The following GK5 variants were observed in gnomAD, a reference collection of about 807,000 sequenced individuals.
GK5 encodes the protein glycerol kinase 5.
GK5 carries 39 observed loss-of-function variants against 77.3 expected under a neutral mutation model. That is an observed-to-expected ratio of 0.50 (90% CI 0.39 to 0.66). The LOEUF is 0.66. GK5 is among the 30% of genes least tolerant of loss of function. GK5 has a pLI of 0.00. For synonymous variants in GK5, 211 were observed against 208.0 expected (o/e 1.01, Z -0.13); for missense variants, 487 against 633.8 (o/e 0.77, Z 2.49).
chr3:142,197,284 T>C (rs1321320457), intron 5 of GK5, among the ~76,000 whole-genome samples: 1 of 152,244 alleles, frequency 6.6e-6, no homozygotes, highest in African/African-American at 2.4e-5. Context: ...CATTTTTGCT[T>C]CATGTATTGT....
chr3:142,173,102 G>A, intron 12 of GK5: 4 of 380,406 alleles, frequency 1.1e-5, no homozygotes, highest in Non-Finnish European at 2.0e-5. Flanking sequence ...TTGGGAGGCT[G>A]AGGTGGAAGG....
rs1036499917 is a variant in GK5, at chr3:142,225,556, C to T, written c.-101G>A. The T allele has an allele frequency of 2.8e-6, 4 of 1,425,016 alleles. No individual in the cohort carries two copies. Among genetic ancestry groups the T allele is most frequent in the African/African-American group, 1.5e-5 (1 of 67,510 alleles). The allele number at this position is 1,425,016 out of a possible 1,614,324, so 88.3% of individuals were successfully genotyped here. ...CGGGCGGCCCAACCCGGGCCCCAAC[C>T]CGGCTCAGCCGGAGAGCCTAGAGAG... On this transcript the variant is annotated 5_prime_UTR_variant, in exon 1 of 16. Transcript: ENST00000392993.
chr3:142,180,356 G>A (rs567014543), intron 11 of GK5, among the ~76,000 whole-genome samples: 1 of 151,390 alleles, frequency 6.6e-6, no homozygotes, highest in Admixed American at 6.6e-5. Flanking sequence ...AGGCTGGAGT[G>A]CAATGGCGTG....
intron 9 of GK5, 26 bp downstream of exon 9, chr3:142,185,903 G>C: frequency 6.3e-7 from 1 of 1,587,102 alleles, no homozygotes; most frequent in African/African-American, 1.4e-5. Flanking sequence ...ACTATACAAA[G>C]GGAATCCCTC....
At chr3:142,168,451 G>C (rs1340234274) in intron 15 of GK5, among the ~76,000 whole-genome samples, 1 of 152,158 alleles carries the variant, frequency 6.6e-6, no homozygotes, top group Non-Finnish European at 1.5e-5. Flanking sequence ...ATTTTTAGTA[G>C]AATCAAGTTT....
chr3:142,179,408 G>A (rs1322486035), intron 11 of GK5, among the ~76,000 whole-genome samples: 1 of 152,132 alleles, frequency 6.6e-6, no homozygotes, highest in African/African-American at 2.4e-5. Context: ...TTTAAGCCAA[G>A]TATGGTGGCG....
rs769114880 is a variant in GK5 at position 142,198,914 on chromosome 3, C to T, written c.431G>A (p.Arg144Gln). ...ACTTCTAGTGAAAAAGTGAAGCACT[C>T]GGCAAGAACTGTGAAATATCTATAT... ...LLMKIFHSSC[R>Q]VLHFFTRSKR... The change falls in exon 5 of 16, where the codon CGA (arginine) becomes CAA (glutamine). Residue 144 changes from arginine (R) to glutamine (Q), a missense_variant. Arg to Gln is a conservative substitution (Grantham distance 43). Transcript: ENST00000392993. The T allele has an allele frequency of 6.2e-6, 10 of 1,610,778 alleles. No homozygotes were observed. The highest frequency in any genetic ancestry group is 7.6e-6 in the Non-Finnish European group (9 of 1,178,234).
At chr3:142,218,976 A>G (rs1190320909) in intron 1 of GK5, among the ~76,000 whole-genome samples, 1 of 152,240 alleles carries the variant, frequency 6.6e-6, no homozygotes, top group African/African-American at 2.4e-5. Context: ...TGGATTACAA[A>G]TATGTACATG....
chr3:142,207,302 T>G (rs2064123573), intron 3 of GK5, among the ~76,000 whole-genome samples: 1 of 152,182 alleles, frequency 6.6e-6, no homozygotes, highest in African/African-American at 2.4e-5. Context: ...TAGGCCTCTT[T>G]AGGGTTAAGA....
chr3:142,193,525 A>C (rs1488222867), intron 5 of GK5, among the ~76,000 whole-genome samples: 1 of 151,922 alleles, frequency 6.6e-6, no homozygotes, highest in East Asian at 1.9e-4. Context: ...TTTTGGTAGA[A>C]ATTGTGTTGT....
intron 3 of GK5, among the ~76,000 whole-genome samples, chr3:142,209,740 T>C (rs187081042): frequency 6.6e-6 from 1 of 152,174 alleles, no homozygotes; most frequent in Non-Finnish European, 1.5e-5. Flanking sequence ...ATAATGAGAT[T>C]GTAAATTAGG....
intron 10 of GK5, 48 bp from the exon 11 acceptor site, chr3:142,181,613 T>C (rs1288983084): frequency 3.3e-6 from 4 of 1,229,944 alleles, no homozygotes; most frequent in Non-Finnish European, 4.8e-6. Context: ...GCATAATTCA[T>C]TATAGAGACT....
chr3:142,193,928 A>C (rs2063892238), intron 5 of GK5, among the ~76,000 whole-genome samples: 2 of 151,992 alleles, frequency 1.3e-5, no homozygotes, highest in South Asian at 4.2e-4. Flanking sequence ...TTTAGTAGAG[A>C]CGGGGTTTCA....
chr3:142,198,993 T>A (rs990459201), intron 4 of GK5, 60 bp from the exon 5 acceptor site: 1 of 1,285,178 alleles, frequency 7.8e-7, no homozygotes, highest in Admixed American at 2.2e-5. Context: ...AATTTCCACA[T>A]CAATTCTATA....
intron 15 of GK5, among the ~76,000 whole-genome samples, chr3:142,167,409 G>A (rs932795079): frequency 1.3e-5 from 2 of 151,882 alleles, no homozygotes; most frequent in African/African-American, 4.8e-5. Context: ...ATAAATAAAG[G>A]TATTAATGTA....
At position 142,159,667 on chromosome 3, in the gene GK5, G is replaced by T. The variant is rs2063409355; in HGVS notation, c.*5955C>A. 6.6e-6 allele frequency: 1 copy of T among 151,814 alleles called. No homozygotes were observed. Among genetic ancestry groups the T allele is most frequent in the Admixed American group, 6.6e-5 (1 of 15,242 alleles). The allele number at this position is 151,814 out of a possible 1,614,324, so 9.4% of individuals were successfully genotyped here. The stretch of plus-strand genomic sequence containing the variant: ...AAAGATTCCTTTTACTTGGAAAGGG[G>T]ATTTAAAAAGAAAAAACCACCAACA... On this transcript the variant is annotated 3_prime_UTR_variant, in exon 16 of 16. Transcript: ENST00000392993.
intron 11 of GK5, among the ~76,000 whole-genome samples, chr3:142,179,261 A>C (rs1302281739): frequency 6.6e-6 from 1 of 152,264 alleles, no homozygotes; most frequent in Admixed American, 6.5e-5. Flanking sequence ...GTTAATGAGG[A>C]TCACTCAATA....
rs914263535 is a variant in GK5 at position 142,164,959 on chromosome 3, G to A, written c.*663C>T. On this transcript the variant is annotated 3_prime_UTR_variant, in exon 16 of 16. Transcript: ENST00000392993. ...CATTAACTAAAATTAGTTTTTCAGT[G>A]TTTTCAACATAGAAAGAATGCTCAG... 7 of 152,540 alleles carry A rather than the reference G, an allele frequency of 4.6e-5. No individual in the cohort carries two copies. Among genetic ancestry groups the A allele is most frequent in the African/African-American group, 1.7e-4 (7 of 41,428 alleles). The allele number at this position is 152,540 out of a possible 1,614,324, so 9.4% of individuals were successfully genotyped here.
intron 12 of GK5, chr3:142,173,194 G>A (rs1274732890): frequency 2.3e-6 from 1 of 426,770 alleles, no homozygotes; most frequent in East Asian, 7.0e-5. Flanking sequence ...GAGTGAGACA[G>A]GGTCTAAAAA....
Sources: allele counts gnomAD v4.1 joint callset (sites outside exome capture counted in the v4.1 genomes callset), GRCh38; gene constraint gnomAD v4.1.1; transcripts MANE v1.5; gene names NCBI Gene and HGNC (gene_info 2026-07-23, HGNC 2026-07-21).